Variants in MTARC2 observed in about 807,000 individuals in gnomAD.
The protein encoded by MTARC2 is MOCO sulphurase C-terminal domain containing 2.
Under a neutral mutation model 35.6 loss-of-function variants are expected in MTARC2, and 27 were observed. The observed-to-expected ratio is 0.76, with a 90% CI of 0.56 to 1.04. MTARC2 has a LOEUF of 1.04. MTARC2 is among the 50% of genes least tolerant of loss of function. MTARC2 has a pLI of 0.00. For synonymous variants in MTARC2, 158 were observed against 167.1 expected (o/e 0.95, Z 0.42); for missense variants, 412 against 432.5 (o/e 0.95, Z 0.42).
chr1:220,759,395 A>G (rs1355116393), intron 2 of MTARC2, among the ~76,000 whole-genome samples: 1 of 152,238 alleles, frequency 6.6e-6, no homozygotes. Context: ...GACTTTGCAG[A>G]AAATTCTGCA....
chr1:220,758,732 A>C (rs1671352016), intron 2 of MTARC2, among the ~76,000 whole-genome samples: 1 of 152,168 alleles, frequency 6.6e-6, no homozygotes, highest in African/African-American at 2.4e-5. Flanking sequence ...TTATTGTCTT[A>C]AAAGGTGAAG....
chr1:220,763,927 T>C (rs1297770277), intron 4 of MTARC2, among the ~76,000 whole-genome samples: 2 of 152,146 alleles, frequency 1.3e-5, no homozygotes, highest in African/African-American at 2.4e-5. Flanking sequence ...TGACTGGCAT[T>C]AGAACACAAG....
chr1:220,764,814 T>C (rs1020466879), intron 4 of MTARC2, among the ~76,000 whole-genome samples: 26 of 152,182 alleles, frequency 1.7e-4, no homozygotes, highest in Admixed American at 1.6e-3. Flanking sequence ...TAGCAATGTA[T>C]ACAGAAGTTG....
At chr1:220,752,090 G>A (rs1349892856) in intron 1 of MTARC2, among the ~76,000 whole-genome samples, 1 of 152,144 alleles carries the variant, frequency 6.6e-6, no homozygotes, top group Non-Finnish European at 1.5e-5. Flanking sequence ...AACCTCTAGT[G>A]ACAACTTCCC....
At chr1:220,751,488 T>C (rs920694958) in intron 1 of MTARC2, among the ~76,000 whole-genome samples, 4 of 152,208 alleles carry the variant, frequency 2.6e-5, no homozygotes, top group African/African-American at 9.7e-5. Flanking sequence ...TGATGAACTG[T>C]TGGAGAAAGG....
At position 220,748,501 on chromosome 1, in the gene MTARC2, T is replaced by C; in HGVS notation, c.-31T>C. ...CGGTCTCCGGTCGCTGCCGGGTCTG[T>C]GCGCCGGTCCGCGCCCGCCCTCGCT... On this transcript the variant is annotated 5_prime_UTR_variant, in exon 1 of 8. Transcript: ENST00000366913. 1 of 1,372,378 alleles carries C rather than the reference T, an allele frequency of 7.3e-7. No individual in the cohort carries two copies. Among genetic ancestry groups the C allele is most frequent in the Non-Finnish European group, 9.3e-7 (1 of 1,074,040 alleles). 85.0% of individuals were successfully genotyped at this position (1,372,378 alleles called of 1,614,324 possible).
intron 4 of MTARC2, among the ~76,000 whole-genome samples, chr1:220,772,560 C>T (rs948247782): frequency 6.6e-6 from 1 of 152,128 alleles, no homozygotes; most frequent in African/African-American, 2.4e-5. Flanking sequence ...GATGACCTCA[C>T]TGTGTCTGCC....
chr1:220,754,136 G>T (rs567938660), intron 1 of MTARC2, among the ~76,000 whole-genome samples: 151 of 152,308 alleles, frequency 9.9e-4, no homozygotes, highest in Admixed American at 1.6e-3. Flanking sequence ...AGGAGTGGAA[G>T]ATTTTTTTCT....
chr1:220,755,194 T>C, intron 2 of MTARC2, 74 bp downstream of exon 2: 1 of 1,444,114 alleles, frequency 6.9e-7, no homozygotes, highest in Non-Finnish European at 9.3e-7. Flanking sequence ...GCATTCTGTC[T>C]TGCTATAGTT....
chr1:220,755,753 G>A (rs1671261051), intron 2 of MTARC2, among the ~76,000 whole-genome samples: 1 of 152,124 alleles, frequency 6.6e-6, no homozygotes. Flanking sequence ...TCTAGGAATT[G>A]GTCAGCCCTG....
At chr1:220,782,846 C>T (rs1275754707) in intron 7 of MTARC2, among the ~76,000 whole-genome samples, 1 of 152,178 alleles carries the variant, frequency 6.6e-6, no homozygotes, top group African/African-American at 2.4e-5. Flanking sequence ...GTACCCTTAT[C>T]TGCAAAGTGG....
chr1:220,766,391 A>C (rs994330376), intron 4 of MTARC2, among the ~76,000 whole-genome samples: 1 of 152,198 alleles, frequency 6.6e-6, no homozygotes, highest in African/African-American at 2.4e-5. Flanking sequence ...TAGGATGTAC[A>C]TAATATCAGA....
chr1:220,763,234 C>T (rs539719081), intron 4 of MTARC2, among the ~76,000 whole-genome samples, 184 bp downstream of exon 4: 15 of 152,182 alleles, frequency 9.9e-5, no homozygotes, highest in South Asian at 4.2e-4. Flanking sequence ...ACGCTGGCCT[C>T]GGGGGGCGTT....
intron 4 of MTARC2, 51 bp from the exon 5 acceptor site, chr1:220,779,967 C>A: frequency 7.2e-7 from 1 of 1,389,546 alleles, no homozygotes; most frequent in South Asian, 1.5e-5. Context: ...TAAACAGACT[C>A]AAAGGCTAAT....
At chr1:220,775,346 CATCT>C (rs1002802843) in intron 4 of MTARC2, among the ~76,000 whole-genome samples, 2 of 152,138 alleles carry the variant, frequency 1.3e-5, no homozygotes, top group African/African-American at 4.8e-5. Context: ...TTGCTTCTTT[CATCT>C]TGAAAACTCC....
chr1:220,772,684 G>GTGTATGTGTGTGTGTT (rs1491025593), intron 4 of MTARC2, among the ~76,000 whole-genome samples: 58 of 150,222 alleles, frequency 3.9e-4, no homozygotes, highest in African/African-American at 1.4e-3. Flanking sequence ...TCTGGGCAGG[G>GTGTATGTGTGTGTGTT]TGTGTGTGTG....
At chr1:220,757,807 T>A (rs1671320823) in intron 2 of MTARC2, among the ~76,000 whole-genome samples, 1 of 152,138 alleles carries the variant, frequency 6.6e-6, no homozygotes, top group Non-Finnish European at 1.5e-5. Flanking sequence ...GACACAAACA[T>A]TTAGCCCCTA....
intron 6 of MTARC2, among the ~76,000 whole-genome samples, chr1:220,780,928 G>C (rs887707273): frequency 1.3e-5 from 2 of 151,690 alleles, no homozygotes; most frequent in Non-Finnish European, 2.9e-5. Flanking sequence ...AATTGAAACT[G>C]CATAATGAAA....
chr1:220,749,863 C>A (rs150454138), intron 1 of MTARC2, among the ~76,000 whole-genome samples: 1 of 152,120 alleles, frequency 6.6e-6, no homozygotes, highest in Admixed American at 6.6e-5. Flanking sequence ...CTCCAGGACA[C>A]GCGGATGCAC....
Sources: allele counts gnomAD v4.1 joint callset (sites outside exome capture counted in the v4.1 genomes callset), GRCh38; gene constraint gnomAD v4.1.1; transcripts MANE v1.5; gene names NCBI Gene and HGNC (gene_info 2026-07-23, HGNC 2026-07-21).